MSRA: variants seen among roughly 807,000 people sequenced by gnomAD.
MSRA encodes mitochondrial peptide methionine sulfoxide reductase.
Under a neutral mutation model 31.3 loss-of-function variants are expected in MSRA, and 54 were observed. The ratio of observed to expected loss-of-function variants is 1.73; its 90% CI spans 1.39 to 2.17. The LOEUF is 2.17. Ranked by LOEUF, MSRA falls within the 30% of genes most tolerant of loss-of-function variation. The pLI, the probability that MSRA is intolerant of heterozygous loss-of-function variation, is 0.00. For synonymous variants in MSRA, 169 were observed against 116.5 expected (o/e 1.45, Z -2.90); for missense variants, 507 against 300.9 (o/e 1.69, Z -5.07).
chr8:10,276,401 T>C (rs1799324277), intron 3 of MSRA, among the ~76,000 whole-genome samples: 1 of 152,250 alleles, frequency 6.6e-6, no homozygotes, highest in African/African-American at 2.4e-5. Flanking sequence ...GGTTGCATCC[T>C]GAAAACTGTC....
chr8:10,320,116 T>C, intron 5 of MSRA, 127 bp downstream of exon 5: 2 of 608,720 alleles, frequency 3.3e-6, no homozygotes, highest in Non-Finnish European at 5.7e-6. Flanking sequence ...CTTAGAAATT[T>C]CTGTCAGCCT....
intron 1 of MSRA, among the ~76,000 whole-genome samples, chr8:10,135,826 A>G (rs985376179): frequency 1.3e-5 from 2 of 152,198 alleles, no homozygotes; most frequent in African/African-American, 2.4e-5. Context: ...AGACATCCCC[A>G]AAGTGTTTCA....
At chr8:10,160,358 G>A (rs192020778) in intron 1 of MSRA, among the ~76,000 whole-genome samples, 1 of 152,124 alleles carries the variant, frequency 6.6e-6, no homozygotes, top group South Asian at 2.1e-4. Flanking sequence ...AGCCAGGCGT[G>A]GTGGTGGGCC....
chr8:10,099,232 G>C (rs1033501219), intron 1 of MSRA, among the ~76,000 whole-genome samples: 4 of 152,192 alleles, frequency 2.6e-5, no homozygotes, highest in Non-Finnish European at 5.9e-5. Flanking sequence ...GTGATCTGAG[G>C]AGATGTACTT....
At chr8:10,187,790 A>G (rs1807180251) in intron 1 of MSRA, among the ~76,000 whole-genome samples, 1 of 152,202 alleles carries the variant, frequency 6.6e-6, no homozygotes. Context: ...TGTACTCTGG[A>G]TATTTCTGTC....
At chr8:10,245,845 A>G (rs1236145424) in intron 3 of MSRA, among the ~76,000 whole-genome samples, 2 of 152,262 alleles carry the variant, frequency 1.3e-5, no homozygotes, top group Non-Finnish European at 2.9e-5. Flanking sequence ...TAGCTAGACC[A>G]GAGCCAATAT....
intron 1 of MSRA, among the ~76,000 whole-genome samples, chr8:10,155,831 T>A (rs1016531119): frequency 6.6e-6 from 1 of 152,134 alleles, no homozygotes; most frequent in African/African-American, 2.4e-5. Flanking sequence ...TATAGGAACA[T>A]GCCAGATAAC....
At chr8:10,346,526 G>T (rs1055481471) in intron 5 of MSRA, among the ~76,000 whole-genome samples, 1 of 152,180 alleles carries the variant, frequency 6.6e-6, no homozygotes, top group Non-Finnish European at 1.5e-5. Context: ...TTGAATCAGA[G>T]CTTGCTACAT....
At chr8:10,366,598 C>T (rs1402138427) in intron 5 of MSRA, among the ~76,000 whole-genome samples, 1 of 152,220 alleles carries the variant, frequency 6.6e-6, no homozygotes, top group East Asian at 1.9e-4. Flanking sequence ...TGGCATCTCC[C>T]TTTGGAAGCG....
chr8:10,188,617 C>A (rs1807251896), intron 1 of MSRA, among the ~76,000 whole-genome samples: 1 of 152,138 alleles, frequency 6.6e-6, no homozygotes, highest in Non-Finnish European at 1.5e-5. Flanking sequence ...TTTATTTTGT[C>A]CCATTTAGAT....
At chr8:10,126,542 G>T (rs1288170805) in intron 1 of MSRA, among the ~76,000 whole-genome samples, 1 of 151,964 alleles carries the variant, frequency 6.6e-6, no homozygotes, top group Non-Finnish European at 1.5e-5. Flanking sequence ...TTGAGATGGG[G>T]TCTTCTGTCG....
At chr8:10,393,381 G>T (rs1450458148) in intron 5 of MSRA, among the ~76,000 whole-genome samples, 1 of 152,212 alleles carries the variant, frequency 6.6e-6, no homozygotes, top group Non-Finnish European at 1.5e-5. Flanking sequence ...ATCCTGCTGG[G>T]AGGCTGAGAG....
chr8:10,307,526 A>G (rs1423475970), intron 4 of MSRA, among the ~76,000 whole-genome samples: 1 of 152,236 alleles, frequency 6.6e-6, no homozygotes, highest in Non-Finnish European at 1.5e-5. Context: ...ACATTTAAAA[A>G]AGCAAATATA....
At chr8:10,170,739 C>A (rs949379597) in intron 1 of MSRA, among the ~76,000 whole-genome samples, 2 of 152,120 alleles carry the variant, frequency 1.3e-5, no homozygotes, top group Non-Finnish European at 2.9e-5. Flanking sequence ...ATTTTGCTAC[C>A]TATGGGGTTT....
chr8:10,183,011 A>T (rs1806679984), intron 1 of MSRA, among the ~76,000 whole-genome samples: 4 of 152,150 alleles, frequency 2.6e-5, no homozygotes, highest in Admixed American at 2.6e-4. Context: ...AAAATAGCAC[A>T]TTCCATGAGC....
At chr8:10,350,034 T>C (rs1804028245) in intron 5 of MSRA, among the ~76,000 whole-genome samples, 1 of 152,258 alleles carries the variant, frequency 6.6e-6, no homozygotes, top group East Asian at 1.9e-4. Flanking sequence ...AATGATGGAC[T>C]CTTCTGAGTT....
At chr8:10,164,750 AC>A (rs1267891151) in intron 1 of MSRA, among the ~76,000 whole-genome samples, 1 of 152,050 alleles carries the variant, frequency 6.6e-6, no homozygotes, top group Non-Finnish European at 1.5e-5. Flanking sequence ...CTTAAAAATC[AC>A]CTGAGCCAGT....
chr8:10,265,535 C>G (rs1164061631), intron 3 of MSRA, among the ~76,000 whole-genome samples: 1 of 152,136 alleles, frequency 6.6e-6, no homozygotes, highest in Non-Finnish European at 1.5e-5. Context: ...GGCAGCTAGC[C>G]CATAGCAGGG....
intron 5 of MSRA, among the ~76,000 whole-genome samples, chr8:10,396,431 G>T (rs1173748267): frequency 6.6e-6 from 1 of 152,166 alleles, no homozygotes; most frequent in Non-Finnish European, 1.5e-5. Flanking sequence ...AAATGCCACT[G>T]GGAAGAAAAC....
Sources: allele counts gnomAD v4.1 joint callset (sites outside exome capture counted in the v4.1 genomes callset), GRCh38; gene constraint gnomAD v4.1.1; transcripts MANE v1.5; gene names NCBI Gene and HGNC (gene_info 2026-07-23, HGNC 2026-07-21).